HINFP: variants seen among roughly 807,000 people sequenced by gnomAD.
HINFP encodes MBD2 (methyl-CpG-binding protein)-interacting zinc finger protein.
A neutral mutation model predicts 50.1 loss-of-function variants in HINFP; 20 were observed. That is an observed-to-expected ratio of 0.40 (90% CI 0.28 to 0.58). The LOEUF (loss-of-function observed/expected upper bound fraction) is 0.58. HINFP is among the 20% of genes least tolerant of loss of function. The pLI is 0.45. For synonymous variants in HINFP, 247 were observed against 243.7 expected (o/e 1.01, Z -0.13); for missense variants, 505 against 664.1 (o/e 0.76, Z 2.63).
In HINFP at chr11:119,134,523, TC is replaced by T. The variant is rs777566663; in HGVS notation, c.*29del. On this transcript the variant is annotated 3_prime_UTR_variant, in exon 10 of 10. Coordinates refer to ENST00000350777, the MANE Select transcript of HINFP (RefSeq NM_198971.3). The surrounding 1 kb of genome is among the most constrained non-coding windows in gnomAD (Gnocchi z 4.3). ...AAGGCCGCAGAGCCAGACCATTTCT[TC>T]CCCAGGTCCTGAAGTTTGAGCCAGG... 1 of 1,533,652 alleles carries T rather than the reference TC, an allele frequency of 6.5e-7. No individual in the cohort carries two copies. The highest frequency in any genetic ancestry group is 8.8e-7 in the Non-Finnish European group (1 of 1,137,682).
At chr11:119,127,509 C>T (rs1947480200) in intron 2 of HINFP, 1 of 137,946 alleles carries the variant, frequency 7.2e-6, no homozygotes, top group African/African-American at 2.8e-5. Flanking sequence ...TCTAGTATTC[C>T]CAATTTTTTT....
chr11:119,130,170 G>A (rs972508354), intron 2 of HINFP: 5 of 152,712 alleles, frequency 3.3e-5, no homozygotes, highest in African/African-American at 1.2e-4. Context: ...GTGTCAGATC[G>A]AGAGGCAGCA....
At position 119,130,966 on chromosome 11, in the gene HINFP, G is replaced by A. The variant is rs764957051; in HGVS notation, c.411+12G>A. ...GGGAGCACTGTGAGGTCAGCAGGCA[G>A]TGCCAGTAATTGGGGTGGAAGGAAG... On this transcript the variant is annotated intron_variant, in intron 3 of 9. Coordinates refer to ENST00000350777, the MANE Select transcript of HINFP (RefSeq NM_198971.3). The A allele has an allele frequency of 1.2e-6, 2 of 1,609,930 alleles. No individual in the cohort carries two copies. The highest frequency in any genetic ancestry group is 1.7e-6 in the Non-Finnish European group (2 of 1,176,134).
chr11:119,133,382 C>T (rs1419614590), intron 9 of HINFP, 163 bp downstream of exon 9: 2 of 755,676 alleles, frequency 2.6e-6, no homozygotes, highest in Non-Finnish European at 4.3e-6. Context: ...AGTTCGAGAC[C>T]AGCCTGGCCA....
Position 119,134,386 on chromosome 11 carries a change from A to C in HINFP, c.1442A>C (p.Tyr481Ser). ...CAAGGCCAGCAAGAGATCGTCTACT[A>C]TGTGCTGTCTGAAGCCCCAGGGGAG... ...NAQGQQEIVY[Y>S]VLSEAPGEPP... is the part of the protein sequence containing the mutation. The change falls in exon 10 of 10, where the codon TAT becomes TCT. Residue 481 changes from tyrosine (Y) to serine (S), a missense_variant. Coordinates refer to ENST00000350777, the MANE Select transcript of HINFP (RefSeq NM_198971.3). This position sits in a 1 kb window ranked among gnomAD's most constrained non-coding sequence, Gnocchi z 4.3. The C allele has an allele frequency of 6.2e-7, 1 of 1,614,156 alleles. No individual in the cohort carries two copies. Among genetic ancestry groups the C allele is most frequent in the South Asian group, 1.1e-5 (1 of 91,082 alleles).
At chr11:119,129,064 G>A (rs1414948861) in intron 2 of HINFP, among the ~76,000 whole-genome samples, 1 of 151,858 alleles carries the variant, frequency 6.6e-6, no homozygotes, top group Non-Finnish European at 1.5e-5. Context: ...AGAGTAAGAT[G>A]GAGTCTTACT....
chr11:119,132,092 C>T (rs1947793667), intron 5 of HINFP, 110 bp downstream of exon 5: 27 of 1,252,490 alleles, frequency 2.2e-5, no homozygotes, highest in Middle Eastern at 2.0e-4. Context: ...TTGGCTGCCT[C>T]TTCTTTTTGG....
At chr11:119,125,524 A>G (rs993329428) in intron 1 of HINFP, 4 of 152,124 alleles carry the variant, frequency 2.6e-5, no homozygotes, top group African/African-American at 9.7e-5. Flanking sequence ...AAACAAAACA[A>G]AAATTAGACA....
intron 1 of HINFP, chr11:119,123,860 G>A (rs961558995): frequency 1.3e-5 from 2 of 152,164 alleles, no homozygotes; most frequent in African/African-American, 4.8e-5. Context: ...CTACAGGCGT[G>A]TGCCACCATA....
At chr11:119,128,334 T>C (rs1255778638) in intron 2 of HINFP, among the ~76,000 whole-genome samples, 1 of 152,010 alleles carries the variant, frequency 6.6e-6, no homozygotes, top group Non-Finnish European at 1.5e-5. Context: ...AGATGGAGTC[T>C]CATTCTTGTT....
chr11:119,127,178 T>A, intron 2 of HINFP, 53 bp downstream of exon 2: 1 of 1,444,538 alleles, frequency 6.9e-7, no homozygotes, highest in Non-Finnish European at 9.2e-7. Flanking sequence ...GTGGAAAATC[T>A]GACTTTCTTT....
chr11:119,125,466 TCGAGA>T (rs1260829752), intron 1 of HINFP: 29 of 152,190 alleles, frequency 1.9e-4, no homozygotes, highest in African/African-American at 6.7e-4. Flanking sequence ...GTCCAAGAAT[TCGAGA>T]CCAGCCTGGG....
Position 119,132,642 on chromosome 11 carries a change from T to C in HINFP, c.755-19T>C. ...TTCCACAAGTTCTCACATCACAGCC[T>C]CCTCTCTGCTTCTCTCAGTGAATCA... On this transcript the variant is annotated intron_variant, in intron 6 of 9. Coordinates refer to ENST00000350777, the MANE Select transcript of HINFP (RefSeq NM_198971.3). The C allele has an allele frequency of 1.2e-6, 2 of 1,614,038 alleles. No homozygotes were observed. Among genetic ancestry groups the C allele is most frequent in the Non-Finnish European group, 1.7e-6 (2 of 1,180,002 alleles).
At position 119,135,316 on chromosome 11, in the gene HINFP, G is replaced by GCCTCC. The variant is rs2135098564; in HGVS notation, c.*819_*820insCTCCC. On this transcript the variant is annotated 3_prime_UTR_variant, in exon 10 of 10. Coordinates refer to ENST00000350777, the MANE Select transcript of HINFP (RefSeq NM_198971.3). ...GGTGCTATAGAATGAACAAGAATGGGCTCACTGGGAGGATAGGGCAGCTGA... is the reference window on the plus strand; with the variant it reads ...GGTGCTATAGAATGAACAAGAATGGGCCTCCCTCACTGGGAGGATAGGGCAGCTGA... 1 of 152,412 alleles carries GCCTCC rather than the reference G, an allele frequency of 6.6e-6. No individual in the cohort carries two copies. The highest frequency in any genetic ancestry group is 6.5e-5 in the Admixed American group (1 of 15,302). 9.4% of individuals were successfully genotyped at this position (152,412 alleles called of 1,614,324 possible). A position where few individuals can be genotyped will look rare whatever the true frequency, so the allele number is the denominator to read the frequency against.
At chr11:119,124,878 A>T (rs1466164201) in intron 1 of HINFP, 1 of 151,854 alleles carries the variant, frequency 6.6e-6, no homozygotes, top group East Asian at 2.0e-4. Flanking sequence ...AGGCTGAGGC[A>T]GGAGAATCTC....
In HINFP at chr11:119,131,495, A is replaced by C. The variant is rs1429903789; in HGVS notation, c.412-40A>C. The C allele has an allele frequency of 2.9e-6, 4 of 1,383,158 alleles. No individual in the cohort carries two copies. The highest frequency in any genetic ancestry group is 4.1e-6 in the Non-Finnish European group (4 of 969,102). The allele number at this position is 1,383,158 out of a possible 1,614,324, so 85.7% of individuals were successfully genotyped here. On this transcript the variant is annotated intron_variant, in intron 3 of 9. Transcript: ENST00000350777. This position sits in a 1 kb window ranked among gnomAD's most constrained non-coding sequence, Gnocchi z 4.2. ...CGGGCACATAGGGGTGAGTCCCTCT[A>C]CCCACCCTCAGTCCTCACCCCAAGT...
intron 1 of HINFP, 161 bp from the exon 2 acceptor site, chr11:119,126,774 A>C (rs1216763468): frequency 3.4e-6 from 2 of 580,572 alleles, no homozygotes; most frequent in African/African-American, 3.8e-5. Context: ...TCTTCCAGGG[A>C]TTTAAGGAAT....
In HINFP at chr11:119,131,796, T is replaced by C. The variant is rs750988652; in HGVS notation, c.524-34T>C. ...CCAGATCCTAGGCAAAACTGGGGTT[T>C]TGTGGCAGGAGACTGATAGGGCTTC... On this transcript the variant is annotated intron_variant, in intron 4 of 9. Transcript: ENST00000350777. The surrounding 1 kb of genome is among the most constrained non-coding windows in gnomAD (Gnocchi z 4.2). 5.6e-5 allele frequency: 91 copies of C among 1,612,456 alleles called. No homozygotes were observed. The highest frequency in any genetic ancestry group is 7.5e-5 in the Non-Finnish European group (89 of 1,179,364).
rs1947938679 is a variant in HINFP at position 119,134,179 on chromosome 11, G to T, written c.1235G>T (p.Gly412Val). 1 of 1,614,234 alleles carries T rather than the reference G, an allele frequency of 6.2e-7. No individual in the cohort carries two copies. The highest frequency in any genetic ancestry group is 8.5e-7 in the Non-Finnish European group (1 of 1,180,048). ...CAACTGCTGCGGCAACCACAAGAGG[G>T]ATCGGGCCTGGGAACGTCGCTGAAC... is the stretch of plus-strand genomic sequence containing the variant. ...TQQLLRQPQE[G>V]SGLGTSLNES... Residue 412 changes from glycine to valine, a missense_variant, in exon 10 of 10, where the codon GGA becomes GTA. Coordinates refer to ENST00000350777, the MANE Select transcript of HINFP (RefSeq NM_198971.3). The surrounding 1 kb of genome is among the most constrained non-coding windows in gnomAD (Gnocchi z 4.3).
Sources: gnomAD v4.1 joint callset for allele counts (sites outside exome capture counted in the v4.1 genomes callset) on GRCh38, gnomAD v4.1.1 for gene constraint, Gnocchi (gnomAD v3.1) non-coding constraint, MANE v1.5 for transcripts, NCBI Gene and HGNC (gene_info 2026-07-23, HGNC 2026-07-21) for gene names.